The following FIGNL1 variants were observed in gnomAD, a reference collection of about 807,000 sequenced individuals.
FIGNL1 encodes the protein fidgetin-like protein 1.
In FIGNL1, 11 loss-of-function variants were observed where a neutral mutation model predicts 28.9. The ratio of observed to expected loss-of-function variants is 0.38; its 90% CI spans 0.24 to 0.63. The LOEUF (loss-of-function observed/expected upper bound fraction) is 0.63, where lower values mean the gene tolerates loss of function less well. FIGNL1 is among the 20% of genes least tolerant of loss of function. The pLI is 0.57. For synonymous variants in FIGNL1, 295 were observed against 276.5 expected (o/e 1.07, Z -0.66); for missense variants, 789 against 810.4 (o/e 0.97, Z 0.32).
Position 50,447,084 on chromosome 7 carries a change from T to G in FIGNL1, c.204A>C (p.Ala68=). ...ATTCAACATTGTCAGAATCAATAAT[T>G]GCAGAATATTTCTCTGCATATTTTT... ...LFKKYAEKYS[A]IIDSDNVESG... The change falls in exon 4 of 4, where the codon GCA becomes GCC. Residue 68 remains alanine, a synonymous_variant. Transcript: ENST00000433017. 1.2e-6 allele frequency: 2 copies of G among 1,614,274 alleles called. No individual in the cohort carries two copies.
chr7:50,445,113 T>C lies in FIGNL1; in HGVS notation c.*150A>G. The stretch of plus-strand genomic sequence containing the variant: ...AAGCAAAACTTACATTAACATACAC[T>C]ATGTCAATCAGATGTAAAATCTGTG... On this transcript the variant is annotated 3_prime_UTR_variant, in exon 4 of 4. Coordinates refer to ENST00000433017, the MANE Select transcript of FIGNL1 (RefSeq NM_001287492.4). The C allele has an allele frequency of 2.0e-6, 1 of 499,532 alleles. No homozygotes were observed. The allele number at this position is 499,532 out of a possible 1,614,324, so 30.9% of individuals were successfully genotyped here.
rs1820411085 is a variant in FIGNL1 at position 50,445,203 on chromosome 7, TC to T, written c.*59del. ...AATACAATTAACACATCCCCAACTT[TC>T]TATGCTAAAAAATAAAGAAGACTGT... On this transcript the variant is annotated 3_prime_UTR_variant, in exon 4 of 4. Transcript: ENST00000433017. 9.2e-7 allele frequency: 1 copy of T among 1,089,778 alleles called. No homozygotes were observed. The allele number at this position is 1,089,778 out of a possible 1,614,324, so 67.5% of individuals were successfully genotyped here. A position where few individuals can be genotyped will look rare whatever the true frequency, so the allele number is the denominator to read the frequency against.
Position 50,446,324 on chromosome 7 carries a change from C to A in FIGNL1, c.964G>T (p.Gly322Cys). Reference sequence around the variant, plus strand: ...GCTCCTAGAGACTTTTTTACACCACCATATGAAGACCCTGATGCACGCTGA... The same window carrying A: ...GCTCCTAGAGACTTTTTTACACCACAATATGAAGACCCTGATGCACGCTGA... ...QPQRASGSSYGGVKKSLGASR... is the reference protein window; with the variant it reads ...QPQRASGSSYCGVKKSLGASR... Residue 322 changes from glycine (G) to cysteine (C), a missense_variant, in exon 4 of 4, where the codon GGT becomes TGT. Gly to Cys is a radical substitution (Grantham distance 159). Transcript: ENST00000433017. 2 of 1,614,150 alleles carry A rather than the reference C, an allele frequency of 1.2e-6. No homozygotes were observed. The highest frequency in any genetic ancestry group is 1.7e-6 in the Non-Finnish European group (2 of 1,180,028).
chr7:50,448,779 T>C (rs1821485012), intron 2 of FIGNL1: 2 of 152,252 alleles, frequency 1.3e-5, no homozygotes, highest in African/African-American at 2.4e-5. Context: ...CAAAGACATT[T>C]GTCACATTGT....
Position 50,446,521 on chromosome 7 carries a change from T to C in FIGNL1, c.767A>G (p.Gln256Arg), listed in dbSNP as rs113845281. The change falls in exon 4 of 4, where the codon CAG becomes CGG. Residue 256 changes from glutamine (Q) to arginine (R), a missense_variant. Coordinates refer to ENST00000433017, the MANE Select transcript of FIGNL1 (RefSeq NM_001287492.4). ...GCCAGAACCATAAAAAGACTTCCTC[T>C]GTGGATTTTCACAGGCAGCAGGAAA... ...SCFPAACENP[Q>R]RKSFYGSGTI... 2 of 1,614,104 alleles carry C rather than the reference T, an allele frequency of 1.2e-6. No individual in the cohort carries two copies. Among genetic ancestry groups the C allele is most frequent in the Admixed American group, 1.7e-5 (1 of 60,006 alleles).
Position 50,446,925 on chromosome 7 carries a change from A to G in FIGNL1, c.363T>C (p.Ala121=), listed in dbSNP as rs765977693. ...ACAGAGAGTCTTTGAATTTTTTGCC[A>G]GCTTGCATCATCTTCTGTACACTAC... ...KMSSVQKMMQ[A]GKKFKDSLLE... The change falls in exon 4 of 4, where the codon GCT becomes GCC. Residue 121 remains alanine, a synonymous_variant. Transcript: ENST00000433017. 1.2e-5 allele frequency: 19 copies of G among 1,614,102 alleles called. No homozygotes were observed. The highest frequency in any genetic ancestry group is 1.2e-4 in the Admixed American group (7 of 60,006).
rs1821389959 is a variant in FIGNL1, at chr7:50,448,276, T to C, written c.-106A>G. ...CACTTCTGCATGTACACAATGCTCC[T>C]TGATGCTGCTATCCTAGGTCACAGA... On this transcript the variant is annotated 5_prime_UTR_variant, in exon 3 of 4. Transcript: ENST00000433017. The C allele has an allele frequency of 6.6e-6, 1 of 152,228 alleles. No individual in the cohort carries two copies. The highest frequency in any genetic ancestry group is 6.5e-5 in the Admixed American group (1 of 15,284). The allele number at this position is 152,228 out of a possible 1,614,324, so 9.4% of individuals were successfully genotyped here. A position where few individuals can be genotyped will look rare whatever the true frequency, so the allele number is the denominator to read the frequency against.
At position 50,445,197 on chromosome 7, in the gene FIGNL1, CAA is replaced by C; in HGVS notation, c.*64_*65del. 9.9e-7 allele frequency: 1 copy of C among 1,013,216 alleles called. No individual in the cohort carries two copies. Among genetic ancestry groups the C allele is most frequent in the Non-Finnish European group, 1.4e-6 (1 of 711,660 alleles). The allele number at this position is 1,013,216 out of a possible 1,614,324, so 62.8% of individuals were successfully genotyped here. A position where few individuals can be genotyped will look rare whatever the true frequency, so the allele number is the denominator to read the frequency against. On this transcript the variant is annotated 3_prime_UTR_variant, in exon 4 of 4. Coordinates refer to ENST00000433017, the MANE Select transcript of FIGNL1 (RefSeq NM_001287492.4). ...CTTAAAAATACAATTAACACATCCC[CAA>C]CTTTCTATGCTAAAAAATAAAGAAG...
At position 50,445,941 on chromosome 7, in the gene FIGNL1, T is replaced by C. The variant is rs774091465; in HGVS notation, c.1347A>G (p.Leu449=). 7.4e-6 allele frequency: 12 copies of C among 1,613,980 alleles called. No homozygotes were observed. The highest frequency in any genetic ancestry group is 5.0e-5 in the Admixed American group (3 of 60,000). The change falls in exon 4 of 4, where the codon CTA becomes CTG. Residue 449 remains leucine, a synonymous_variant. Coordinates refer to ENST00000433017, the MANE Select transcript of FIGNL1 (RefSeq NM_001287492.4). ...ACTGACTAGCAATGCACTTGCCAAT[T>C]AGAGTTTTACCAGTCCCAGGAGGAC... ...LFGPPGTGKT[L]IGKCIASQSG... is the part of the protein sequence containing the mutation.
rs1401974874 is a variant in FIGNL1 at position 50,446,016 on chromosome 7, T to A, written c.1272A>T (p.Pro424=). 1.2e-6 allele frequency: 2 copies of A among 1,614,212 alleles called. No individual in the cohort carries two copies. Among genetic ancestry groups the A allele is most frequent in the Non-Finnish European group, 1.7e-6 (2 of 1,180,036 alleles). The change falls in exon 4 of 4, where the codon CCA becomes CCT. Residue 424 remains proline, a synonymous_variant. Transcript: ENST00000433017. Reference sequence around the variant, plus strand: ...GTCCCCTTAAACCAGTAAAGATGTCTGGCCTCAACATGGGCCACACAACTA... The same window carrying A: ...GTCCCCTTAAACCAGTAAAGATGTCAGGCCTCAACATGGGCCACACAACTA... ...KEIVVWPMLR[P]DIFTGLRGPP...
chr7:50,447,353 T>A, intron 3 of FIGNL1, 56 bp from the exon 4 acceptor site: 3 of 1,284,614 alleles, frequency 2.3e-6, no homozygotes, highest in Non-Finnish European at 2.1e-6. Flanking sequence ...GAAAATACTT[T>A]AAATGTAATT....
rs1433091799 is a variant in FIGNL1, at chr7:50,444,567, AT to A, written c.*695del. The A allele has an allele frequency of 6.6e-6, 1 of 152,254 alleles. No individual in the cohort carries two copies. The highest frequency in any genetic ancestry group is 1.5e-5 in the Non-Finnish European group (1 of 68,040). 9.4% of individuals were successfully genotyped at this position (152,254 alleles called of 1,614,324 possible). On this transcript the variant is annotated 3_prime_UTR_variant, in exon 4 of 4. Coordinates refer to ENST00000433017, the MANE Select transcript of FIGNL1 (RefSeq NM_001287492.4). ...TTTCATAAAACAAAATGGGTCTGTT[AT>A]AAAAATCTGAAAACTTGTTTTTGAA... is the stretch of plus-strand genomic sequence containing the variant.
In FIGNL1 at chr7:50,446,525, G is replaced by T; in HGVS notation, c.763C>A (p.Pro255Thr). Residue 255 changes from proline to threonine, a missense_variant, in exon 4 of 4, where the codon CCA becomes ACA. Coordinates refer to ENST00000433017, the MANE Select transcript of FIGNL1 (RefSeq NM_001287492.4). ...QSCFPAACEN[P>T]QRKSFYGSGT... The stretch of plus-strand genomic sequence containing the variant: ...GAACCATAAAAAGACTTCCTCTGTG[G>T]ATTTTCACAGGCAGCAGGAAAACAA... 3 of 1,614,106 alleles carry T rather than the reference G, an allele frequency of 1.9e-6. No individual in the cohort carries two copies. The highest frequency in any genetic ancestry group is 2.5e-6 in the Non-Finnish European group (3 of 1,180,018).
In FIGNL1 at chr7:50,445,462, G is replaced by A. The variant is rs140991399; in HGVS notation, c.1826C>T (p.Thr609Ile). Residue 609 changes from threonine (T) to isoleucine (I), a missense_variant, in exon 4 of 4, where the codon ACA becomes ATA. Transcript: ENST00000433017. ...AAGAGAAGCCTCCCTGCAAAGCTGTGTCATGTCTGCTCCTGAAAACGCATC... is the reference window on the plus strand; with the variant it reads ...AAGAGAAGCCTCCCTGCAAAGCTGTATCATGTCTGCTCCTGAAAACGCATC... ...QSDAFSGADM[T>I]QLCREASLGP... 4.8e-5 allele frequency: 77 copies of A among 1,614,006 alleles called. No homozygotes were observed. Among genetic ancestry groups the A allele is most frequent in the Non-Finnish European group, 3.4e-5 (40 of 1,180,014 alleles).
In FIGNL1 at chr7:50,446,667, T is replaced by C. The variant is rs1370586758; in HGVS notation, c.621A>G (p.Val207=). 7 of 1,614,128 alleles carry C rather than the reference T, an allele frequency of 4.3e-6. No individual in the cohort carries two copies. Among genetic ancestry groups the C allele is most frequent in the East Asian group, 4.5e-5 (2 of 44,900 alleles). Reference sequence around the variant, plus strand: ...GGAATTTTGCAGTAGCTGACTCACCTACAGGTGCTGAGAATGTAGGACAAG... The same window carrying C: ...GGAATTTTGCAGTAGCTGACTCACCCACAGGTGCTGAGAATGTAGGACAAG... ...ARTCPTFSAP[V]GESATAKFHV... Residue 207 remains valine, a synonymous_variant, in exon 4 of 4, where the codon GTA becomes GTG. Transcript: ENST00000433017.
Position 50,446,226 on chromosome 7 carries a change from T to G in FIGNL1, c.1062A>C (p.Gly354=), listed in dbSNP as rs761680261. The G allele has an allele frequency of 2.4e-5, 39 of 1,614,074 alleles. No individual in the cohort carries two copies. The highest frequency in any genetic ancestry group is 3.3e-5 in the Non-Finnish European group (39 of 1,180,042). Residue 354 remains glycine (G), a synonymous_variant, in exon 4 of 4, where the codon GGA becomes GGC. Transcript: ENST00000433017. ...IPKQDGGEQN[G]GMQCKPYGAG... is the part of the protein sequence containing the mutation. ...CCCCATAAGGCTTACATTGCATTCC[T>G]CCATTCTGCTCTCCCCCATCTTGCT...
Position 50,446,216 on chromosome 7 carries a change from A to G in FIGNL1, c.1072T>C (p.Cys358Arg), listed in dbSNP as rs751386632. The G allele has an allele frequency of 8.7e-6, 14 of 1,614,158 alleles. No individual in the cohort carries two copies. The highest frequency in any genetic ancestry group is 4.4e-5 in the South Asian group (4 of 91,074). ...GTAGGTCCTGCCCCATAAGGCTTAC[A>G]TTGCATTCCTCCATTCTGCTCTCCC... Reference protein sequence around the residue: ...DGGEQNGGMQCKPYGAGPTEP... With the variant: ...DGGEQNGGMQRKPYGAGPTEP... Residue 358 changes from cysteine (C) to arginine (R), a missense_variant, in exon 4 of 4, where the codon TGT becomes CGT. Cys to Arg is a radical substitution (Grantham distance 180). Transcript: ENST00000433017.
chr7:50,446,235 C>T lies in FIGNL1; in HGVS notation c.1053G>A (p.Glu351=). The change falls in exon 4 of 4, where the codon GAG becomes GAA. Residue 351 remains glutamate, a synonymous_variant. Coordinates refer to ENST00000433017, the MANE Select transcript of FIGNL1 (RefSeq NM_001287492.4). ...GCTTACATTGCATTCCTCCATTCTG[C>T]TCTCCCCCATCTTGCTTGGGTATAG... ...VPPIPKQDGG[E]QNGGMQCKPY... 1 of 1,614,132 alleles carries T rather than the reference C, an allele frequency of 6.2e-7. No individual in the cohort carries two copies. The highest frequency in any genetic ancestry group is 8.5e-7 in the Non-Finnish European group (1 of 1,180,032).
rs1394678792 is a variant in FIGNL1 at position 50,444,552 on chromosome 7, C to T, written c.*711G>A. ...TCTGTAATGAACATGTTTCATAAAA[C>T]AAAATGGGTCTGTTATAAAAATCTG... is the stretch of plus-strand genomic sequence containing the variant. On this transcript the variant is annotated 3_prime_UTR_variant, in exon 4 of 4. Coordinates refer to ENST00000433017, the MANE Select transcript of FIGNL1 (RefSeq NM_001287492.4). 3 of 152,076 alleles carry T rather than the reference C, an allele frequency of 2.0e-5. No individual in the cohort carries two copies. Among genetic ancestry groups the T allele is most frequent in the African/African-American group, 7.2e-5 (3 of 41,424 alleles). 9.4% of individuals were successfully genotyped at this position (152,076 alleles called of 1,614,324 possible).
Sources: allele counts gnomAD v4.1 joint callset, GRCh38; gene constraint gnomAD v4.1.1; transcripts MANE v1.5; gene names NCBI Gene and HGNC (gene_info 2026-07-23, HGNC 2026-07-21).